C2CD5: variants seen among roughly 807,000 people sequenced by gnomAD.
C2CD5 encodes C2 domain-containing protein 5.
Under a neutral mutation model 130.3 loss-of-function variants are expected in C2CD5, and 109 were observed. The observed-to-expected ratio is 0.84, with a 90% CI of 0.72 to 0.98. C2CD5 has a LOEUF of 0.98. Ranked by LOEUF, C2CD5 falls within the 50% of genes least tolerant of loss-of-function variation. The probability of loss-of-function intolerance (pLI) is 0.00; values close to 1 mark genes in which losing one functional copy is unlikely to be tolerated. For synonymous variants in C2CD5, 454 were observed against 429.2 expected, an observed-to-expected ratio of 1.06 and a Z score of -0.71; for missense variants, 996 against 1,261.8, an observed-to-expected ratio of 0.79 and a Z score of 3.19.
chr12:22,521,452 GAACC>G (rs1344571325), intron 7 of C2CD5, among the ~76,000 whole-genome samples: 2 of 152,098 alleles, frequency 1.3e-5, no homozygotes, highest in Non-Finnish European at 2.9e-5. Flanking sequence ...TCATTCTAAG[GAACC>G]AACAGGTAAT....
intron 7 of C2CD5, among the ~76,000 whole-genome samples, chr12:22,522,812 A>C (rs956183163): frequency 6.6e-6 from 1 of 152,228 alleles, no homozygotes; most frequent in Non-Finnish European, 1.5e-5. Context: ...TATTCCTCAG[A>C]AAATAAAATG....
chr12:22,513,207 TTC>T, intron 9 of C2CD5, 85 bp downstream of exon 9: 2 of 970,168 alleles, frequency 2.1e-6, no homozygotes, highest in Non-Finnish European at 3.2e-6. Context: ...ACCAAAACAG[TTC>T]ATGAAAACAT....
At chr12:22,477,723 TTG>T (rs1221375037) in intron 15 of C2CD5, among the ~76,000 whole-genome samples, 2 of 152,114 alleles carry the variant, frequency 1.3e-5, no homozygotes, top group African/African-American at 4.8e-5. Flanking sequence ...GGAGGCAGCA[TTG>T]TGATACTTAT....
intron 11 of C2CD5, among the ~76,000 whole-genome samples, chr12:22,491,186 G>A (rs920771679): frequency 1.3e-5 from 2 of 152,146 alleles, no homozygotes; most frequent in Non-Finnish European, 2.9e-5. Flanking sequence ...GTCTAGAAAG[G>A]ACCTCTGTCA....
chr12:22,509,494 T>A (rs1428826604), intron 9 of C2CD5, among the ~76,000 whole-genome samples: 4 of 152,094 alleles, frequency 2.6e-5, no homozygotes, highest in African/African-American at 7.2e-5. Flanking sequence ...ACCTCACATG[T>A]CCCCAGTTCA....
At chr12:22,463,759 ATAAT>A (rs1490636405) in intron 22 of C2CD5, 1 of 152,212 alleles carries the variant, frequency 6.6e-6, no homozygotes, top group Non-Finnish European at 1.5e-5. Context: ...TTTGCTCTAA[ATAAT>A]TAAAAAATAT....
At chr12:22,461,929 G>C (rs911819645) in intron 22 of C2CD5, among the ~76,000 whole-genome samples, 8 of 151,658 alleles carry the variant, frequency 5.3e-5, no homozygotes, top group Admixed American at 5.2e-4. Flanking sequence ...AGAGGCCCAA[G>C]GCCAGCTGGT....
chr12:22,469,407 A>T (rs1379671202), intron 22 of C2CD5, among the ~76,000 whole-genome samples: 1 of 152,200 alleles, frequency 6.6e-6, no homozygotes, highest in Non-Finnish European at 1.5e-5. Context: ...AATATCAAGT[A>T]TTCTATGTGT....
chr12:22,503,670 C>A (rs1005328238), intron 10 of C2CD5, among the ~76,000 whole-genome samples: 1 of 152,044 alleles, frequency 6.6e-6, no homozygotes, highest in Non-Finnish European at 1.5e-5. Flanking sequence ...TACCACCAGG[C>A]CCGGATAGTT....
At chr12:22,472,435 C>G in intron 17 of C2CD5, 88 bp from the exon 18 acceptor site, 1 of 725,298 alleles carries the variant, frequency 1.4e-6, no homozygotes. Context: ...ATATGAAGTT[C>G]TAACTATAAC....
At chr12:22,473,669 C>T (rs959410775) in intron 16 of C2CD5, among the ~76,000 whole-genome samples, 1 of 152,138 alleles carries the variant, frequency 6.6e-6, no homozygotes, top group African/African-American at 2.4e-5. Context: ...TAATGTTTGG[C>T]ATCACCTGGA....
chr12:22,496,193 C>T (rs1946984250), intron 10 of C2CD5, among the ~76,000 whole-genome samples: 1 of 152,058 alleles, frequency 6.6e-6, no homozygotes, highest in Non-Finnish European at 1.5e-5. Flanking sequence ...CCTAGAGAAT[C>T]TTCAAGCAGT....
At chr12:22,539,097 A>G (rs1952094520) in intron 2 of C2CD5, among the ~76,000 whole-genome samples, 1 of 152,124 alleles carries the variant, frequency 6.6e-6, no homozygotes, top group Admixed American at 6.6e-5. Context: ...TCATAGCCAT[A>G]CATCTTGAAA....
intron 10 of C2CD5, among the ~76,000 whole-genome samples, chr12:22,500,475 G>A (rs1947622935): frequency 6.6e-6 from 1 of 152,048 alleles, no homozygotes; most frequent in South Asian, 2.1e-4. Flanking sequence ...TCAAATCTGA[G>A]CTCAAGAATT....
At chr12:22,517,933 T>C (rs1345651563) in intron 8 of C2CD5, 53 bp downstream of exon 8, 26 of 1,463,170 alleles carry the variant, frequency 1.8e-5, no homozygotes, top group South Asian at 2.6e-5. Flanking sequence ...TAATAAGAAA[T>C]AGAAACAAAT....
At position 22,457,176 on chromosome 12, in the gene C2CD5, AAAT is replaced by A; in HGVS notation, c.2687-18_2687-16del. 1 of 1,576,186 alleles carries A rather than the reference AAAT, an allele frequency of 6.3e-7. No individual in the cohort carries two copies. ...AACTGTCATGGCTAAAATTGGAGAA[AAAT>A]GAGAAAACATTCAGAACAGACGCTG... On this transcript the variant is annotated splice_polypyrimidine_tract_variant and intron_variant, in intron 24 of 26. Transcript: ENST00000446597.
intron 8 of C2CD5, among the ~76,000 whole-genome samples, chr12:22,515,711 T>C (rs1318938870): frequency 2.0e-5 from 3 of 152,120 alleles, no homozygotes; most frequent in African/African-American, 7.2e-5. Context: ...AGTTTTGAGA[T>C]ATATATTAAT....
At chr12:22,535,490 T>A in intron 2 of C2CD5, 146 bp from the exon 3 acceptor site, 1 of 598,116 alleles carries the variant, frequency 1.7e-6, no homozygotes. Context: ...AAGGTACAGA[T>A]GGATCCAGGT....
chr12:22,537,799 G>C (rs1236970738), intron 2 of C2CD5, among the ~76,000 whole-genome samples: 1 of 152,136 alleles, frequency 6.6e-6, no homozygotes, highest in African/African-American at 2.4e-5. Context: ...TCCTCTCCCT[G>C]TTCCCTCAAA....
Sources: allele counts gnomAD v4.1 joint callset (sites outside exome capture counted in the v4.1 genomes callset), GRCh38; gene constraint gnomAD v4.1.1; transcripts MANE v1.5; gene names NCBI Gene and HGNC (gene_info 2026-07-23, HGNC 2026-07-21).